Variants in C21orf91 observed in about 807,000 individuals in gnomAD.
C21orf91 encodes the protein protein EURL homolog.
Under a neutral mutation model 32.9 loss-of-function variants are expected in C21orf91, and 26 were observed. The observed-to-expected ratio is 0.79, with a 90% confidence interval of 0.58 to 1.10. C21orf91 has a LOEUF of 1.10. C21orf91 is among the 50% of genes least tolerant of loss of function. The probability of loss-of-function intolerance (pLI) is 0.00; values close to 1 mark genes in which losing one functional copy is unlikely to be tolerated. For missense variants in C21orf91, 310 were observed against 341.3 expected, an observed-to-expected ratio of 0.91 and a Z score of 0.72; for synonymous variants, 126 against 120.4, an observed-to-expected ratio of 1.05 and a Z score of -0.31.
rs113886408 is a variant in C21orf91, at chr21:17,802,907, A to G, written c.128-5789T>C. 2.5e-3 allele frequency among the ~76,000 whole-genome samples: 375 copies of G among 152,366 alleles called. 10 individuals carry two copies. The East Asian group carries it at 0.068, about 28-fold the overall frequency. Reference sequence around the variant, plus strand: ...TTCCCAACCAAAGGACTGGCTTTACATAACTTGGTGCTCCACAGGGAGAGC... The same window carrying G: ...TTCCCAACCAAAGGACTGGCTTTACGTAACTTGGTGCTCCACAGGGAGAGC... On this transcript the variant is annotated intron_variant, in intron 2 of 4. Transcript: ENST00000284881.
intron 2 of C21orf91, among the ~76,000 whole-genome samples, chr21:17,812,914 A>T (rs2062642206): frequency 2.0e-5 from 3 of 152,190 alleles, no homozygotes; most frequent in Admixed American, 6.5e-5. Flanking sequence ...ATGCAGCATG[A>T]AGACCCTTGC....
chr21:17,794,218 G>A (rs1568748095), intron 4 of C21orf91, among the ~76,000 whole-genome samples: 1 of 152,156 alleles, frequency 6.6e-6, no homozygotes, highest in Non-Finnish European at 1.5e-5. Flanking sequence ...TCCTTGATCT[G>A]CTACTGATTG....
At chr21:17,811,722 G>A (rs1296134840) in intron 2 of C21orf91, among the ~76,000 whole-genome samples, 1 of 152,020 alleles carries the variant, frequency 6.6e-6, no homozygotes, top group African/African-American at 2.4e-5. Context: ...TTTCATCTCT[G>A]TTAGACTATT....
Position 17,793,284 on chromosome 21 carries a change from A to T in C21orf91, c.*131T>A. ...ATCTGCTTTATTTGACAAAGATGTT[A>T]AATACTGCCTTATGTTTGGCAAATT... On this transcript the variant is annotated 3_prime_UTR_variant, in exon 5 of 5. Coordinates refer to ENST00000284881, the MANE Select transcript of C21orf91 (RefSeq NM_001100420.2). 1.7e-6 allele frequency: 1 copy of T among 571,826 alleles called. No homozygotes were observed. The highest frequency in any genetic ancestry group is 3.0e-6 in the Non-Finnish European group (1 of 330,566). 35.4% of individuals were successfully genotyped at this position (571,826 alleles called of 1,614,324 possible).
At chr21:17,803,636 G>T (rs2062576968) in intron 2 of C21orf91, among the ~76,000 whole-genome samples, 1 of 152,132 alleles carries the variant, frequency 6.6e-6, no homozygotes, top group Non-Finnish European at 1.5e-5. Context: ...AAGAAACGGG[G>T]TACAGGTACT....
In C21orf91 at chr21:17,808,160, C is replaced by T. The variant is rs113507688; in HGVS notation, c.127+10032G>A. ...CTGGGCCCAGGGCCCTGCTGCCCTG[C>T]GCAACCTTGAGACACTGCTCATGTC... On this transcript the variant is annotated intron_variant, in intron 2 of 4. Coordinates refer to ENST00000284881, the MANE Select transcript of C21orf91 (RefSeq NM_001100420.2). Among the ~76,000 whole-genome samples, 961 of 152,324 alleles carry T rather than the reference C, an allele frequency of 6.3e-3. 11 individuals carry two copies. Among genetic ancestry groups the T allele is most frequent in the African/African-American group, 0.022 (911 of 41,578 alleles).
In C21orf91 at chr21:17,790,567, CAT is replaced by C. The variant is rs2146239934; in HGVS notation, c.*2846_*2847del. On this transcript the variant is annotated 3_prime_UTR_variant, in exon 5 of 5. Transcript: ENST00000284881. ...AATGGGCACTTTGTGGTAAAATGAA[CAT>C]GTGTTTTGAAAAACTAAGAATGTGT... 2 of 152,148 alleles carry C rather than the reference CAT, an allele frequency of 1.3e-5. No individual in the cohort carries two copies. The highest frequency in any genetic ancestry group is 4.8e-5 in the African/African-American group (2 of 41,552). The allele number at this position is 152,148 out of a possible 1,614,324, so 9.4% of individuals were successfully genotyped here.
At chr21:17,818,613 A>T (rs2062682314) in intron 1 of C21orf91, among the ~76,000 whole-genome samples, 1 of 152,244 alleles carries the variant, frequency 6.6e-6, no homozygotes, top group African/African-American at 2.4e-5. Context: ...ATTTGCCGGC[A>T]TTCTAGTCCT....
At chr21:17,816,115 A>C (rs2062663570) in intron 2 of C21orf91, among the ~76,000 whole-genome samples, 1 of 152,268 alleles carries the variant, frequency 6.6e-6, no homozygotes, top group Non-Finnish European at 1.5e-5. Flanking sequence ...ATTTTAATAT[A>C]TAAAACCTTG....
chr21:17,819,124 C>A (rs962075462), intron 1 of C21orf91, 179 bp downstream of exon 1: 1 of 152,214 alleles, frequency 6.6e-6, no homozygotes, highest in Admixed American at 6.5e-5. Flanking sequence ...GCGTTGGGGG[C>A]GCGCGGCCGC....
In C21orf91 at chr21:17,801,566, G is replaced by A. The variant is rs202012463; in HGVS notation, c.128-4448C>T. On this transcript the variant is annotated intron_variant, in intron 2 of 4. Transcript: ENST00000284881. ...ATTACAGGCTTGAGCCACCGTGCCC[G>A]GCCCGTATGTTCTTATTCATAAGTG... Among the ~76,000 whole-genome samples the A allele has an allele frequency of 1.1e-4, 16 of 152,034 alleles. No homozygotes were observed. The East Asian group carries it at 3.1e-3, about 29-fold the overall frequency.
At chr21:17,818,373 T>C in intron 1 of C21orf91, 48 bp from the exon 2 acceptor site, 3 of 1,516,910 alleles carry the variant, frequency 2.0e-6, no homozygotes, top group Non-Finnish European at 1.8e-6. Context: ...TGAACCTGCC[T>C]TTGGGGTAGT....
Position 17,796,756 on chromosome 21 carries a change from G to A in C21orf91, c.490C>T (p.Gln164Ter). The A allele has an allele frequency of 6.2e-7, 1 of 1,614,038 alleles. No individual in the cohort carries two copies. Among genetic ancestry groups the A allele is most frequent in the Non-Finnish European group, 8.5e-7 (1 of 1,179,952 alleles). The change falls in exon 3 of 5, where the codon CAG (glutamine) becomes TAG (stop). Residue 164 changes from glutamine to a stop codon, truncating the protein, a stop_gained. Transcript: ENST00000284881. LOFTEE classifies it high-confidence loss of function. ...AGTCCAAAGTCTGTATTTTCCCTCT[G>A]CTCCAAAATTCTTTGTGTACAGTTA... is the stretch of plus-strand genomic sequence containing the variant. Reference protein sequence around the residue: ...ISNCTQRILEQRENTDFGLSM... With the variant: ...ISNCTQRILE
chr21:17,801,261 C>T (rs904769970), intron 2 of C21orf91, among the ~76,000 whole-genome samples: 4 of 151,418 alleles, frequency 2.6e-5, no homozygotes, highest in Admixed American at 2.6e-4. Flanking sequence ...GAACAGAAAA[C>T]CAAACACCGT....
chr21:17,804,388 G>GA (rs774367841), intron 2 of C21orf91, among the ~76,000 whole-genome samples: 3 of 152,202 alleles, frequency 2.0e-5, no homozygotes, highest in Non-Finnish European at 4.4e-5. Flanking sequence ...AGGTGTCTTA[G>GA]AAAGTACTGT....
At chr21:17,797,915 AAAATAT>A (rs1384488234) in intron 2 of C21orf91, among the ~76,000 whole-genome samples, 1 of 151,956 alleles carries the variant, frequency 6.6e-6, no homozygotes, top group East Asian at 1.9e-4. Flanking sequence ...TTGTTTTTTA[AAAATAT>A]AAAAATTATA....
At chr21:17,816,146 C>T (rs556847836) in intron 2 of C21orf91, among the ~76,000 whole-genome samples, 14 of 152,180 alleles carry the variant, frequency 9.2e-5, no homozygotes, top group East Asian at 5.8e-4. Flanking sequence ...GAATATTAAA[C>T]GAAATAGTTC....
At chr21:17,818,460 C>G (rs182435759) in intron 1 of C21orf91, 135 bp from the exon 2 acceptor site, 4 of 691,998 alleles carry the variant, frequency 5.8e-6, no homozygotes, top group African/African-American at 3.6e-5. Context: ...AAACAAGCAT[C>G]GCCATACTTG....
chr21:17,792,631 C>T lies in C21orf91; in HGVS notation c.*784G>A, dbSNP rs1421235269. The T allele has an allele frequency of 6.6e-6, 1 of 152,110 alleles. No homozygotes were observed. The highest frequency in any genetic ancestry group is 1.5e-5 in the Non-Finnish European group (1 of 67,998). 9.4% of individuals were successfully genotyped at this position (152,110 alleles called of 1,614,324 possible). A position where few individuals can be genotyped will look rare whatever the true frequency, so the allele number is the denominator to read the frequency against. Reference sequence around the variant, plus strand: ...TAATAATGAAAGAAGCAAGAGGAGGCTTTCATTTCTATGGAGACAAATTGA... The same window carrying T: ...TAATAATGAAAGAAGCAAGAGGAGGTTTTCATTTCTATGGAGACAAATTGA... On this transcript the variant is annotated 3_prime_UTR_variant, in exon 5 of 5. Coordinates refer to ENST00000284881, the MANE Select transcript of C21orf91 (RefSeq NM_001100420.2).
Sources: gnomAD v4.1 joint callset for allele counts (sites outside exome capture counted in the v4.1 genomes callset) on GRCh38, gnomAD v4.1.1 for gene constraint, MANE v1.5 for transcripts, NCBI Gene and HGNC (gene_info 2026-07-23, HGNC 2026-07-21) for gene names.